RAB39B: variants seen among roughly 807,000 people sequenced by gnomAD.
RAB39B encodes RAB39B, member RAS oncogene family.
For missense variants in RAB39B, 68 were observed against 171.3 expected (o/e 0.40, Z 3.37); for synonymous variants, 63 against 67.5 (o/e 0.93, Z 0.33).
At chrX:155,262,830 T>C (rs1052338963) in intron 1 of RAB39B, among the ~76,000 whole-genome samples, 1 of 112,187 alleles carries the variant, frequency 8.9e-6, no homozygotes, top group African/African-American at 3.2e-5. Flanking sequence ...AACAAACACA[T>C]AAAAGATACC....
Position 155,264,422 on chromosome X carries a change from C to G in RAB39B, c.-134G>C. ...GCATCGCTGGCCTGGGAGCCCGAAG[C>G]TGGGTAGGCCCAGGCGCCGGGAGAG... On this transcript the variant is annotated 5_prime_UTR_variant, in exon 1 of 2. Coordinates refer to ENST00000369454, the MANE Select transcript of RAB39B (RefSeq NM_171998.4). 1.8e-6 allele frequency: 1 copy of G among 571,207 alleles called. No individual in the cohort carries two copies. The highest frequency in any genetic ancestry group is 2.8e-5 in the South Asian group (1 of 35,973). 47.1% of individuals were successfully genotyped at this position (571,207 alleles called of 1,213,427 possible). A position where few individuals can be genotyped will look rare whatever the true frequency, so the allele number is the denominator to read the frequency against.
Position 155,264,193 on chromosome X carries a change from G to A in RAB39B, c.96C>T (p.Arg32=), listed in dbSNP as rs181687825. 2.3e-5 allele frequency: 28 copies of A among 1,210,843 alleles called. No homozygotes were observed. Among genetic ancestry groups the A allele is most frequent in the Admixed American group, 2.0e-4 (9 of 45,987 alleles). ...CGGTGGGGTCAGAAACCTGGGCAAA[G>A]CGACCCTCGGTGAAGCGGCGGATCA... ...SCLIRRFTEG[R]FAQVSDPTVG... Residue 32 remains arginine (R), a synonymous_variant, in exon 1 of 2, where the codon CGC becomes CGT. Transcript: ENST00000369454.
At chrX:155,261,397 C>A (rs781994905) in intron 1 of RAB39B, among the ~76,000 whole-genome samples, 168 bp from the exon 2 acceptor site, 3 of 111,078 alleles carry the variant, frequency 2.7e-5, no homozygotes, top group Non-Finnish European at 5.7e-5. Flanking sequence ...CATACTACTA[C>A]TAATATGTGA....
In RAB39B at chrX:155,260,452, C is replaced by G; in HGVS notation, c.*351G>C. 3.9e-6 allele frequency: 1 copy of G among 256,261 alleles called. No individual in the cohort carries two copies. Among genetic ancestry groups the G allele is most frequent in the Non-Finnish European group, 7.1e-6 (1 of 140,615 alleles). 21.1% of individuals were successfully genotyped at this position (256,261 alleles called of 1,213,427 possible). ...TATGTTCATGGCCTATAAGTGAGCTCAAATACCAAGGAACAGTTGTCCTGT... is the reference window on the plus strand; with the variant it reads ...TATGTTCATGGCCTATAAGTGAGCTGAAATACCAAGGAACAGTTGTCCTGT... On this transcript the variant is annotated 3_prime_UTR_variant, in exon 2 of 2. Transcript: ENST00000369454.
In RAB39B at chrX:155,260,678, TGA is replaced by T; in HGVS notation, c.*123_*124del. On this transcript the variant is annotated 3_prime_UTR_variant, in exon 2 of 2. Transcript: ENST00000369454. ...GCACACGAGTCTGTCAGAGTCCCCC[TGA>T]GAGGGAGGCTCACTTGGTATCCAAA... The T allele has an allele frequency of 2.7e-6, 2 of 752,504 alleles. No homozygotes were observed. The highest frequency in any genetic ancestry group is 4.1e-6 in the Non-Finnish European group (2 of 489,479). The allele number at this position is 752,504 out of a possible 1,213,427, so 62.0% of individuals were successfully genotyped here.
At position 155,259,315 on chromosome X, in the gene RAB39B, C is replaced by T. The variant is rs781889484; in HGVS notation, c.*1488G>A. 1 of 111,653 alleles carries T rather than the reference C, an allele frequency of 9.0e-6. No homozygotes were observed. Among genetic ancestry groups the T allele is most frequent in the Admixed American group, 9.5e-5 (1 of 10,537 alleles). The allele number at this position is 111,653 out of a possible 1,213,427, so 9.2% of individuals were successfully genotyped here. A position where few individuals can be genotyped will look rare whatever the true frequency, so the allele number is the denominator to read the frequency against. On this transcript the variant is annotated 3_prime_UTR_variant, in exon 2 of 2. Coordinates refer to ENST00000369454, the MANE Select transcript of RAB39B (RefSeq NM_171998.4). ...AGCCAGCCATTCCAATTTGCTGATG[C>T]AGTTAGCTGTTTGTTCACCTGAGAA... is the stretch of plus-strand genomic sequence containing the variant.
rs1161997347 is a variant in RAB39B at position 155,259,560 on chromosome X, G to C, written c.*1243C>G. ...TTGTGCAATTATTCACTTGTTTAAA[G>C]CCCTCTTGTCAATAATGCCTGAATG... On this transcript the variant is annotated 3_prime_UTR_variant, in exon 2 of 2. Transcript: ENST00000369454. The C allele has an allele frequency of 8.9e-6, 1 of 112,148 alleles. No individual in the cohort carries two copies. Among genetic ancestry groups the C allele is most frequent in the African/African-American group, 3.2e-5 (1 of 30,824 alleles). 9.2% of individuals were successfully genotyped at this position (112,148 alleles called of 1,213,427 possible). A position where few individuals can be genotyped will look rare whatever the true frequency, so the allele number is the denominator to read the frequency against.
At position 155,264,177 on chromosome X, in the gene RAB39B, C is replaced by G. The variant is rs1280391569; in HGVS notation, c.112G>C (p.Asp38His). Residue 38 changes from aspartate (D) to histidine (H), a missense_variant, in exon 1 of 2, where the codon GAC (aspartate) becomes CAC (histidine). Physicochemically the swap from Asp to His is moderately conservative, Grantham distance 81. Coordinates refer to ENST00000369454, the MANE Select transcript of RAB39B (RefSeq NM_171998.4). ...FTEGRFAQVS[D>H]PTVGVDFFSR... ...AAAAAATCCACCCCCACGGTGGGGT[C>G]AGAAACCTGGGCAAAGCGACCCTCG... 1 of 1,210,568 alleles carries G rather than the reference C, an allele frequency of 8.3e-7. No individual in the cohort carries two copies. The highest frequency in any genetic ancestry group is 1.1e-6 in the Non-Finnish European group (1 of 895,169).
chrX:155,258,748 A>T lies in RAB39B; in HGVS notation c.*2055T>A, dbSNP rs2074842511. ...TTTTTGAACTGACAGAATCCAGTCGACTCTCATTTACCCACTGGATAATCT... is the reference window on the plus strand; with the variant it reads ...TTTTTGAACTGACAGAATCCAGTCGTCTCTCATTTACCCACTGGATAATCT... On this transcript the variant is annotated 3_prime_UTR_variant, in exon 2 of 2. Coordinates refer to ENST00000369454, the MANE Select transcript of RAB39B (RefSeq NM_171998.4). 8.9e-6 allele frequency: 1 copy of T among 111,860 alleles called. No homozygotes were observed. The highest frequency in any genetic ancestry group is 1.9e-5 in the Non-Finnish European group (1 of 53,138). 9.2% of individuals were successfully genotyped at this position (111,860 alleles called of 1,213,427 possible). A position where few individuals can be genotyped will look rare whatever the true frequency, so the allele number is the denominator to read the frequency against.
At chrX:155,262,844 CT>C (rs1217623138) in intron 1 of RAB39B, among the ~76,000 whole-genome samples, 6 of 112,251 alleles carry the variant, frequency 5.3e-5, no homozygotes, top group African/African-American at 1.9e-4. Context: ...AGATACCTTT[CT>C]TTGCTTAGGA....
intron 1 of RAB39B, among the ~76,000 whole-genome samples, chrX:155,261,792 C>T (rs1336764593): frequency 9.0e-6 from 1 of 110,564 alleles, no homozygotes; most frequent in Non-Finnish European, 1.9e-5. Flanking sequence ...CCATTTTTTC[C>T]ATTTATCATT....
At position 155,264,479 on chromosome X, in the gene RAB39B, A is replaced by G; in HGVS notation, c.-191T>C. ...GATGGATGCTGCGCTCGCAAAGGTG[A>G]TGAAATGGCAGCAGCATCAGCACCA... On this transcript the variant is annotated 5_prime_UTR_variant, in exon 1 of 2. Coordinates refer to ENST00000369454, the MANE Select transcript of RAB39B (RefSeq NM_171998.4). The G allele has an allele frequency of 2.2e-6, 1 of 444,478 alleles. No homozygotes were observed. The highest frequency in any genetic ancestry group is 3.9e-6 in the Non-Finnish European group (1 of 254,454). 36.6% of individuals were successfully genotyped at this position (444,478 alleles called of 1,213,427 possible).
rs984402939 is a variant in RAB39B at position 155,258,357 on chromosome X, A to G, written c.*2446T>C. ...CAAAGTGAGGAAAAGTATACAGTAC[A>G]TTTTATTCTGAAATATGAGACAATC... is the stretch of plus-strand genomic sequence containing the variant. On this transcript the variant is annotated 3_prime_UTR_variant, in exon 2 of 2. Coordinates refer to ENST00000369454, the MANE Select transcript of RAB39B (RefSeq NM_171998.4). The G allele has an allele frequency of 2.7e-5, 3 of 112,660 alleles. No homozygotes were observed. The highest frequency in any genetic ancestry group is 3.8e-5 in the Non-Finnish European group (2 of 53,298). 9.3% of individuals were successfully genotyped at this position (112,660 alleles called of 1,213,427 possible). A position where few individuals can be genotyped will look rare whatever the true frequency, so the allele number is the denominator to read the frequency against.
intron 1 of RAB39B, among the ~76,000 whole-genome samples, chrX:155,261,769 G>A (rs2074854606): frequency 9.0e-6 from 1 of 110,707 alleles, no homozygotes; most frequent in South Asian, 3.7e-4. Context: ...TTTAAAGTAG[G>A]TATCTTGCTA....
Position 155,264,307 on chromosome X carries a change from C to G in RAB39B, c.-19G>C. The G allele has an allele frequency of 8.3e-7, 1 of 1,197,767 alleles. No individual in the cohort carries two copies. The highest frequency in any genetic ancestry group is 2.2e-5 in the Admixed American group (1 of 46,132). ...CCTCCATGGCCGCGGCTCTGCAGGT[C>G]TCCTTGGCCCGGACCGGGGACGGCG... On this transcript the variant is annotated 5_prime_UTR_variant, in exon 1 of 2. Transcript: ENST00000369454.
intron 1 of RAB39B, among the ~76,000 whole-genome samples, chrX:155,261,637 T>G (rs1372067126): frequency 9.0e-6 from 1 of 111,481 alleles, no homozygotes; most frequent in Admixed American, 9.5e-5. Context: ...AGTGTTACCA[T>G]GAGGCAAAAT....
intron 1 of RAB39B, among the ~76,000 whole-genome samples, chrX:155,261,753 A>G (rs1232959732): frequency 1.8e-5 from 2 of 111,690 alleles, no homozygotes; most frequent in East Asian, 5.5e-4. Flanking sequence ...GATAGTTAAC[A>G]AAATATTTAA....
chrX:155,262,145 T>C (rs975511776), intron 1 of RAB39B, among the ~76,000 whole-genome samples: 2 of 112,096 alleles, frequency 1.8e-5, no homozygotes, highest in Admixed American at 9.4e-5. Flanking sequence ...ATGGACCTAT[T>C]TGTCTCTGCA....
chrX:155,261,403 T>A (rs1423671849), intron 1 of RAB39B, among the ~76,000 whole-genome samples, 174 bp from the exon 2 acceptor site: 1 of 111,448 alleles, frequency 9.0e-6, no homozygotes, highest in East Asian at 2.8e-4. Context: ...ACTACTAATA[T>A]GTGAGTTTCC....
Sources: allele counts gnomAD v4.1 joint callset (sites outside exome capture counted in the v4.1 genomes callset), GRCh38; gene constraint gnomAD v4.1.1; transcripts MANE v1.5; gene names NCBI Gene and HGNC (gene_info 2026-07-23, HGNC 2026-07-21).